Variants in PCDH9 observed in about 807,000 individuals in gnomAD.
The protein encoded by PCDH9 is protocadherin-9.
Under a neutral mutation model 70.6 loss-of-function variants are expected in PCDH9, and 24 were observed. The ratio of observed to expected loss-of-function variants is 0.34; its 90% CI spans 0.25 to 0.48. The LOEUF is 0.48. PCDH9 is among the 20% of genes least tolerant of loss of function. The pLI is 0.99. For synonymous variants in PCDH9, 562 were observed against 558.5 expected, an observed-to-expected ratio of 1.01 and a Z score of -0.09; for missense variants, 1,281 against 1,503.6, an observed-to-expected ratio of 0.85 and a Z score of 2.45.
chr13:67,214,538 C>G (rs1039316570), intron 2 of PCDH9: 2 of 151,904 alleles, frequency 1.3e-5, no homozygotes, highest in Non-Finnish European at 2.9e-5. Context: ...ATTACAAACA[C>G]TAAAAGGAAC....
chr13:66,946,912 T>C lies in PCDH9; in HGVS notation c.3037-43307A>G, dbSNP rs1013196165. Among the ~76,000 whole-genome samples, 9 of 152,212 alleles carry C rather than the reference T, an allele frequency of 5.9e-5. No individual in the cohort carries two copies. In the East Asian group the frequency reaches 1.5e-3, roughly 26 times the overall value. ...AAATTTATGTTGAATAAATGTACTA[T>C]GTTTGTGTTATGAATCTTTCTTCCT... is the stretch of plus-strand genomic sequence containing the variant. On this transcript the variant is annotated intron_variant, in intron 2 of 4. Coordinates refer to ENST00000377865, the MANE Select transcript of PCDH9 (RefSeq NM_203487.3).
chr13:66,664,123 G>A (rs2078059840), intron 3 of PCDH9, among the ~76,000 whole-genome samples: 1 of 152,182 alleles, frequency 6.6e-6, no homozygotes, highest in Admixed American at 6.5e-5. Flanking sequence ...TTGGCCTACA[G>A]TAATTTCCAT....
intron 2 of PCDH9, among the ~76,000 whole-genome samples, chr13:67,140,607 A>G (rs1222485175): frequency 6.6e-6 from 1 of 152,182 alleles, no homozygotes; most frequent in African/African-American, 2.4e-5. Context: ...GTCCACCCAC[A>G]AAGATCCTGA....
intron 3 of PCDH9, among the ~76,000 whole-genome samples, chr13:66,702,756 C>T (rs1383973970): frequency 1.3e-5 from 2 of 152,064 alleles, no homozygotes; most frequent in African/African-American, 4.8e-5. Flanking sequence ...AAAAATATAT[C>T]AATGTGCTAT....
At chr13:66,790,670 C>T (rs969918937) in intron 3 of PCDH9, among the ~76,000 whole-genome samples, 1 of 151,878 alleles carries the variant, frequency 6.6e-6, no homozygotes, top group Non-Finnish European at 1.5e-5. Flanking sequence ...AAATCCTATC[C>T]TTTTTCCCAT....
chr13:66,975,668 C>T (rs2083605162), intron 2 of PCDH9, among the ~76,000 whole-genome samples: 1 of 151,924 alleles, frequency 6.6e-6, no homozygotes, highest in South Asian at 2.1e-4. Context: ...ATTACTGTAT[C>T]ATTAATGCTC....
At chr13:67,089,858 C>T (rs1287825035) in intron 2 of PCDH9, among the ~76,000 whole-genome samples, 1 of 151,904 alleles carries the variant, frequency 6.6e-6, no homozygotes, top group Non-Finnish European at 1.5e-5. Context: ...CATTTCTTTA[C>T]CCTTCTTGTT....
At chr13:66,527,496 A>G (rs1960268298) in intron 4 of PCDH9, among the ~76,000 whole-genome samples, 1 of 152,114 alleles carries the variant, frequency 6.6e-6, no homozygotes, top group African/African-American at 2.4e-5. Flanking sequence ...AGGTCCTTAC[A>G]TGAACATACT....
intron 4 of PCDH9, among the ~76,000 whole-genome samples, chr13:66,463,014 A>C (rs1283969010): frequency 6.6e-6 from 1 of 151,852 alleles, no homozygotes; most frequent in Non-Finnish European, 1.5e-5. Context: ...TGCCATATGC[A>C]TTGCATGATG....
At chr13:66,813,699 T>G (rs1165559967) in intron 3 of PCDH9, among the ~76,000 whole-genome samples, 1 of 152,196 alleles carries the variant, frequency 6.6e-6, no homozygotes, top group Non-Finnish European at 1.5e-5. Context: ...TATTCTATTC[T>G]TTATCAAATA....
At chr13:66,499,364 T>G (rs550850516) in intron 4 of PCDH9, among the ~76,000 whole-genome samples, 12 of 152,268 alleles carry the variant, frequency 7.9e-5, no homozygotes, top group African/African-American at 2.6e-4. Context: ...CATTAATGAA[T>G]GAATAAATAC....
chr13:66,838,369 T>C (rs912278462), intron 3 of PCDH9, among the ~76,000 whole-genome samples: 4 of 151,818 alleles, frequency 2.6e-5, no homozygotes, highest in Admixed American at 2.0e-4. Flanking sequence ...TTCAATTCTT[T>C]TTTTAAAAAA....
At chr13:66,759,685 G>A (rs1443675803) in intron 3 of PCDH9, among the ~76,000 whole-genome samples, 2 of 69,012 alleles carry the variant, frequency 2.9e-5, no homozygotes, top group Non-Finnish European at 6.7e-5. Context: ...CAGTTACCAT[G>A]AGGCTTATAA....
intron 4 of PCDH9, among the ~76,000 whole-genome samples, chr13:66,530,332 C>T (rs1383649731): frequency 6.6e-6 from 1 of 152,038 alleles, no homozygotes; most frequent in African/African-American, 2.4e-5. Flanking sequence ...TCTACTGAAA[C>T]ATGAAAACTT....
chr13:66,971,200 T>C (rs2083516595), intron 2 of PCDH9, among the ~76,000 whole-genome samples: 1 of 152,056 alleles, frequency 6.6e-6, no homozygotes, highest in Non-Finnish European at 1.5e-5. Context: ...CTGAGAACAG[T>C]CAGGAAATTT....
chr13:66,750,856 C>G (rs2079446456), intron 3 of PCDH9, among the ~76,000 whole-genome samples: 1 of 151,920 alleles, frequency 6.6e-6, no homozygotes, highest in Admixed American at 6.6e-5. Context: ...ATATTACCAG[C>G]AAACTAATAT....
chr13:66,593,432 A>C (rs1327944455), intron 4 of PCDH9, among the ~76,000 whole-genome samples: 1 of 151,786 alleles, frequency 6.6e-6, no homozygotes, highest in Non-Finnish European at 1.5e-5. Context: ...TCCCCTAGAA[A>C]GTGGTTTTCA....
intron 2 of PCDH9, among the ~76,000 whole-genome samples, chr13:66,921,925 G>A (rs987219196): frequency 6.6e-6 from 1 of 151,230 alleles, no homozygotes; most frequent in African/African-American, 2.4e-5. Context: ...TCAATTTGTA[G>A]AACAATTAAG....
At chr13:66,556,052 T>C (rs1430855450) in intron 4 of PCDH9, among the ~76,000 whole-genome samples, 1 of 150,786 alleles carries the variant, frequency 6.6e-6, no homozygotes, top group East Asian at 1.9e-4. Context: ...TCTAATATTA[T>C]TTTTTGCTGA....
Sources: gnomAD v4.1 joint callset for allele counts (sites outside exome capture counted in the v4.1 genomes callset) on GRCh38, gnomAD v4.1.1 for gene constraint, MANE v1.5 for transcripts, NCBI Gene and HGNC (gene_info 2026-07-23, HGNC 2026-07-21) for gene names.